The following ZNF366 variants were observed in gnomAD, a reference collection of about 807,000 sequenced individuals.
ZNF366 encodes zinc finger protein 366, also known as dendritic cell-specific transcript protein.
Under a neutral mutation model 47.2 loss-of-function variants are expected in ZNF366, and 20 were observed. That is an observed-to-expected ratio of 0.42 (90% CI 0.30 to 0.62). ZNF366 has a LOEUF of 0.62. Ranked by LOEUF, ZNF366 falls within the 20% of genes least tolerant of loss-of-function variation. The pLI, the probability that ZNF366 is intolerant of heterozygous loss-of-function variation, is 0.16. For missense variants in ZNF366, 987 were observed against 976.3 expected, an observed-to-expected ratio of 1.01 and a Z score of -0.15; for synonymous variants, 421 against 395.1, an observed-to-expected ratio of 1.07 and a Z score of -0.78.
chr5:72,482,518 C>A (rs901881726), intron 1 of ZNF366, among the ~76,000 whole-genome samples: 18 of 152,124 alleles, frequency 1.2e-4, no homozygotes, highest in Non-Finnish European at 2.5e-4. Flanking sequence ...GGGACACCTT[C>A]CAGGGAAACC....
At chr5:72,448,253 A>AGGT (rs75324834) in intron 3 of ZNF366, among the ~76,000 whole-genome samples, 122,185 of 151,798 alleles carry the variant, frequency 0.8, 49,841 homozygotes, top group East Asian at 0.96. Flanking sequence ...GTAGTATCTC[A>AGGT]GGTGTACAGG....
Position 72,443,908 on chromosome 5 carries a change from C to A in ZNF366, c.2083G>T (p.Gly695Cys). 2 of 1,614,196 alleles carry A rather than the reference C, an allele frequency of 1.2e-6. No individual in the cohort carries two copies. The highest frequency in any genetic ancestry group is 1.7e-6 in the Non-Finnish European group (2 of 1,180,032). Residue 695 changes from glycine (G) to cysteine (C), a missense_variant, in exon 5 of 5, where the codon GGC (glycine) becomes TGC (cysteine). This residue lies in a region of ZNF366 where 285 missense variants were observed against 234.8 expected (regional missense o/e 1.21). Transcript: ENST00000318442. ...AEGGQERDCA[G>C]RDECLSLRAF... ...CTGAGACTGAGACACTCATCTCTGC[C>A]GGCACAGTCTCTCTCCTGGCCGCCC...
chr5:72,467,995 T>G (rs1414373811), intron 1 of ZNF366, among the ~76,000 whole-genome samples: 3 of 152,206 alleles, frequency 2.0e-5, no homozygotes, highest in African/African-American at 7.2e-5. Context: ...TCTCTGTTCA[T>G]ACAAAAGATC....
chr5:72,460,478 C>G lies in ZNF366; in HGVS notation c.1019G>C (p.Arg340Pro). 1 of 1,613,960 alleles carries G rather than the reference C, an allele frequency of 6.2e-7. No homozygotes were observed. The highest frequency in any genetic ancestry group is 8.5e-7 in the Non-Finnish European group (1 of 1,179,948). The stretch of plus-strand genomic sequence containing the variant: ...GTAGGCAAAGCCGCGGCCGCACACG[C>G]GGCAGTTGTGCGGCTTCACCTCGCT... ...QHSEVKPHNCRVCGRGFAYPS... is the reference protein window; with the variant it reads ...QHSEVKPHNCPVCGRGFAYPS... The change falls in exon 2 of 5, where the codon CGC becomes CCC. Residue 340 changes from arginine to proline, a missense_variant. By Grantham distance (103) the Arg-to-Pro change is moderately radical. This residue lies in a region of ZNF366 where 591 missense variants were observed against 560.9 expected (regional missense o/e 1.05). Transcript: ENST00000318442.
intron 2 of ZNF366, 126 bp downstream of exon 2, chr5:72,460,039 C>T (rs1743267504): frequency 3.1e-6 from 4 of 1,310,104 alleles, no homozygotes. Flanking sequence ...GACCGCTTGT[C>T]CGGGGTTGCC....
chr5:72,486,099 A>G (rs1743886835), intron 1 of ZNF366, among the ~76,000 whole-genome samples: 1 of 152,002 alleles, frequency 6.6e-6, no homozygotes, highest in East Asian at 1.9e-4. Flanking sequence ...GTCATTGTTC[A>G]TTTTCCTCCA....
chr5:72,452,757 C>T (rs758000903), intron 3 of ZNF366, among the ~76,000 whole-genome samples: 2 of 152,176 alleles, frequency 1.3e-5, no homozygotes, highest in East Asian at 1.9e-4. Context: ...GAATTTGTCC[C>T]GGAAATTCTG....
At chr5:72,483,777 G>T (rs1743833887) in intron 1 of ZNF366, among the ~76,000 whole-genome samples, 1 of 152,126 alleles carries the variant, frequency 6.6e-6, no homozygotes, top group Non-Finnish European at 1.5e-5. Context: ...ACTGTGATGG[G>T]AATGATGGGC....
intron 1 of ZNF366, among the ~76,000 whole-genome samples, chr5:72,473,971 G>A (rs547487113): frequency 1.1e-3 from 168 of 152,326 alleles, no homozygotes; most frequent in Non-Finnish European, 2.0e-3. Context: ...GGCTTGAAGA[G>A]CACATGTGAA....
At chr5:72,484,495 A>AAAAAAT (rs1313925109) in intron 1 of ZNF366, among the ~76,000 whole-genome samples, 33 of 145,844 alleles carry the variant, frequency 2.3e-4, no homozygotes, top group African/African-American at 7.7e-4. Context: ...AAAAAAAAAA[A>AAAAAAT]AATAATAATA....
intron 1 of ZNF366, among the ~76,000 whole-genome samples, chr5:72,466,254 G>A (rs1743425498): frequency 6.6e-6 from 1 of 152,224 alleles, no homozygotes; most frequent in Non-Finnish European, 1.5e-5. Flanking sequence ...GATAAACCAT[G>A]TAGTTAAAGA....
chr5:72,467,107 C>T (rs62360608), intron 1 of ZNF366, among the ~76,000 whole-genome samples: 18,269 of 152,254 alleles, frequency 0.12, 1,177 homozygotes, highest in African/African-American at 0.15. Flanking sequence ...GCAACCCATT[C>T]TTTGTACTAA....
chr5:72,447,034 G>A (rs529575119), intron 4 of ZNF366, among the ~76,000 whole-genome samples: 13 of 152,332 alleles, frequency 8.5e-5, no homozygotes, highest in African/African-American at 1.9e-4. Context: ...CTGGCATCAT[G>A]ATGATAGTCC....
intron 1 of ZNF366, among the ~76,000 whole-genome samples, chr5:72,472,100 A>G (rs1487539085): frequency 6.6e-6 from 1 of 152,230 alleles, no homozygotes; most frequent in African/African-American, 2.4e-5. Flanking sequence ...TCACTCAGCA[A>G]ACTGCTTCAA....
chr5:72,446,002 C>G (rs953333255), intron 4 of ZNF366, among the ~76,000 whole-genome samples: 1 of 152,222 alleles, frequency 6.6e-6, no homozygotes, highest in African/African-American at 2.4e-5. Flanking sequence ...TTGTTTCACA[C>G]TGTGTGTGCA....
intron 3 of ZNF366, among the ~76,000 whole-genome samples, chr5:72,455,517 C>T (rs1171720415): frequency 6.6e-6 from 1 of 152,194 alleles, no homozygotes; most frequent in African/African-American, 2.4e-5. Flanking sequence ...CCGGATGACA[C>T]TTGGCCAGTA....
At chr5:72,446,356 C>T (rs1405920284) in intron 4 of ZNF366, among the ~76,000 whole-genome samples, 2 of 152,202 alleles carry the variant, frequency 1.3e-5, no homozygotes, top group Non-Finnish European at 2.9e-5. Flanking sequence ...ATTTTGCAAA[C>T]ACAGACATCC....
chr5:72,499,912 CGATTCCGG>C (rs1310203027), intron 1 of ZNF366, among the ~76,000 whole-genome samples: 1 of 152,192 alleles, frequency 6.6e-6, no homozygotes, highest in Non-Finnish European at 1.5e-5. Context: ...AAACCAGAGG[CGATTCCGG>C]TCCTCTCCCT....
intron 1 of ZNF366, among the ~76,000 whole-genome samples, chr5:72,497,278 C>G (rs898852642): frequency 6.6e-6 from 1 of 152,152 alleles, no homozygotes; most frequent in African/African-American, 2.4e-5. Context: ...CTAACACTTA[C>G]ATTCAGGCCT....
Sources: allele counts gnomAD v4.1 joint callset (sites outside exome capture counted in the v4.1 genomes callset), GRCh38; gene constraint gnomAD v4.1.1; regional missense constraint gnomAD v4.1.1; transcripts MANE v1.5; gene names NCBI Gene and HGNC (gene_info 2026-07-23, HGNC 2026-07-21).